Variants in ARHGAP26 observed in about 807,000 individuals in gnomAD.
ARHGAP26 encodes rho GTPase-activating protein 26.
ARHGAP26 carries 38 observed loss-of-function variants against 104.8 expected under a neutral mutation model. The observed-to-expected ratio is 0.36, with a 90% CI of 0.28 to 0.48. The LOEUF is 0.48. Ranked by LOEUF, ARHGAP26 falls within the 20% of genes least tolerant of loss-of-function variation. The pLI is 0.99. For missense variants in ARHGAP26, 704 were observed against 947.9 expected (o/e 0.74, Z 3.38); for synonymous variants, 341 against 340.0 (o/e 1.00, Z -0.03).
intron 11 of ARHGAP26, among the ~76,000 whole-genome samples, chr5:142,971,057 TTAAG>T (rs1772192302): frequency 6.6e-6 from 1 of 152,190 alleles, no homozygotes; most frequent in African/African-American, 2.4e-5. Context: ...AGGTTTGAGT[TTAAG>T]TAAATTTGAA....
intron 1 of ARHGAP26, among the ~76,000 whole-genome samples, chr5:142,858,105 G>GAT (rs1250342955): frequency 6.7e-6 from 1 of 148,644 alleles, no homozygotes; most frequent in East Asian, 2.3e-4. Flanking sequence ...GAGAGAGAGA[G>GAT]AGAGAGGGAG....
chr5:143,015,908 G>T (rs1200470079), intron 12 of ARHGAP26, among the ~76,000 whole-genome samples: 1 of 152,190 alleles, frequency 6.6e-6, no homozygotes, highest in African/African-American at 2.4e-5. Flanking sequence ...GCATTTCGAG[G>T]ATATGCTTTG....
intron 13 of ARHGAP26, among the ~76,000 whole-genome samples, chr5:143,039,525 T>G (rs1378388077): frequency 9.3e-6 from 1 of 107,852 alleles, no homozygotes; most frequent in Non-Finnish European, 2.7e-5. Flanking sequence ...AACAGGAGTT[T>G]TAATTTTTTT....
At chr5:142,807,404 G>A (rs1763185108) in intron 1 of ARHGAP26, among the ~76,000 whole-genome samples, 1 of 152,194 alleles carries the variant, frequency 6.6e-6, no homozygotes, top group Non-Finnish European at 1.5e-5. Flanking sequence ...TCTCAGATCA[G>A]CAGTTTCTAC....
intron 1 of ARHGAP26, among the ~76,000 whole-genome samples, chr5:142,814,015 G>C (rs1764633871): frequency 6.6e-6 from 1 of 152,228 alleles, no homozygotes. Context: ...AGATCTTACT[G>C]GTGGCTTAGG....
At chr5:142,980,220 T>C (rs1200637402) in intron 11 of ARHGAP26, among the ~76,000 whole-genome samples, 1 of 152,192 alleles carries the variant, frequency 6.6e-6, no homozygotes, top group Non-Finnish European at 1.5e-5. Flanking sequence ...CATGTTTCCA[T>C]GTAGCAGTAG....
intron 1 of ARHGAP26, among the ~76,000 whole-genome samples, chr5:142,810,599 A>AG (rs1445413387): frequency 6.6e-6 from 1 of 152,238 alleles, no homozygotes; most frequent in Non-Finnish European, 1.5e-5. Flanking sequence ...CTGAGTGGAC[A>AG]GGCAAGTTGC....
chr5:142,945,066 C>T (rs569572231), intron 11 of ARHGAP26, among the ~76,000 whole-genome samples: 1 of 152,304 alleles, frequency 6.6e-6, no homozygotes, highest in South Asian at 2.1e-4. Flanking sequence ...CCCACTGATC[C>T]TCTGCATCTC....
intron 15 of ARHGAP26, among the ~76,000 whole-genome samples, chr5:143,054,729 C>G (rs889540191): frequency 6.6e-5 from 10 of 152,126 alleles, no homozygotes; most frequent in African/African-American, 2.4e-4. Context: ...TGCAGTGACA[C>G]CCTGAGTGAT....
intron 1 of ARHGAP26, among the ~76,000 whole-genome samples, chr5:142,791,276 A>G (rs1759753840): frequency 6.6e-6 from 1 of 152,252 alleles, no homozygotes; most frequent in East Asian, 1.9e-4. Context: ...CCAAGAAATG[A>G]TGAGTTAAAA....
intron 19 of ARHGAP26, among the ~76,000 whole-genome samples, chr5:143,138,614 G>A (rs1798166089): frequency 6.6e-6 from 1 of 152,164 alleles, no homozygotes; most frequent in Non-Finnish European, 1.5e-5. Flanking sequence ...GAGTAGCAGT[G>A]GGCAGCTCTT....
chr5:142,802,814 A>G (rs1204414625), intron 1 of ARHGAP26, among the ~76,000 whole-genome samples: 2 of 152,168 alleles, frequency 1.3e-5, no homozygotes, highest in Non-Finnish European at 2.9e-5. Flanking sequence ...CATTGACATT[A>G]TTTGTTTGTT....
At chr5:143,068,857 A>G (rs1304205397) in intron 17 of ARHGAP26, among the ~76,000 whole-genome samples, 3 of 152,178 alleles carry the variant, frequency 2.0e-5, no homozygotes, top group African/African-American at 4.8e-5. Flanking sequence ...ATGCCTCATT[A>G]TCAGTATTGC....
chr5:143,055,181 CA>C (rs1429743405), intron 15 of ARHGAP26, among the ~76,000 whole-genome samples: 4 of 152,024 alleles, frequency 2.6e-5, no homozygotes, highest in African/African-American at 9.7e-5. Flanking sequence ...TAGTTCTTAC[CA>C]AAAAAGGTGG....
chr5:142,880,337 G>A (rs1012552090), intron 4 of ARHGAP26, among the ~76,000 whole-genome samples: 16 of 152,132 alleles, frequency 1.1e-4, no homozygotes, highest in Non-Finnish European at 1.8e-4. Flanking sequence ...GGCCAATATG[G>A]CGAAACCCCG....
At chr5:143,073,219 C>T (rs1788519543) in intron 17 of ARHGAP26, among the ~76,000 whole-genome samples, 2 of 152,064 alleles carry the variant, frequency 1.3e-5, no homozygotes, top group Admixed American at 6.6e-5. Context: ...CAGAATAGTG[C>T]CTCATTTTTT....
At chr5:142,839,736 T>A (rs567921492) in intron 1 of ARHGAP26, among the ~76,000 whole-genome samples, 1 of 152,302 alleles carries the variant, frequency 6.6e-6, no homozygotes, top group East Asian at 1.9e-4. Context: ...GTTTTTATTT[T>A]CATTCTCTGT....
intron 16 of ARHGAP26, 31 bp from the exon 17 acceptor site, chr5:143,057,611 A>G (rs764925954): frequency 7.6e-6 from 12 of 1,584,420 alleles, no homozygotes; most frequent in Admixed American, 3.4e-5. Flanking sequence ...TGTGACACTG[A>G]TAAGATATTA....
chr5:143,025,720 TC>T (rs1780961771), intron 12 of ARHGAP26, among the ~76,000 whole-genome samples: 1 of 152,194 alleles, frequency 6.6e-6, no homozygotes, highest in African/African-American at 2.4e-5. Context: ...AAAGAAACAC[TC>T]CTTCCATCCC....
Sources: allele counts gnomAD v4.1 joint callset (sites outside exome capture counted in the v4.1 genomes callset), GRCh38; gene constraint gnomAD v4.1.1; transcripts MANE v1.5; gene names NCBI Gene and HGNC (gene_info 2026-07-23, HGNC 2026-07-21).